The following VWA3B variants were observed in gnomAD, a reference collection of about 807,000 sequenced individuals.
VWA3B encodes the protein von Willebrand factor A domain containing 3B.
VWA3B carries 138 observed loss-of-function variants against 158.3 expected under a neutral mutation model. The ratio of observed to expected loss-of-function variants is 0.87; its 90% confidence interval spans 0.76 to 1.00. VWA3B has a LOEUF of 1.00. Among genes scored for constraint, VWA3B ranks in the 50% least tolerant of loss-of-function variants. VWA3B has a pLI of 0.00. For missense variants in VWA3B, 1,555 were observed against 1,565.1 expected, an observed-to-expected ratio of 0.99 and a Z score of 0.11; for synonymous variants, 596 against 587.3, an observed-to-expected ratio of 1.01 and a Z score of -0.21.
chr2:98,270,842 G>C lies in VWA3B; in HGVS notation c.3004G>C (p.Glu1002Gln). 6.2e-7 allele frequency: 1 copy of C among 1,614,050 alleles called. No homozygotes were observed. The highest frequency in any genetic ancestry group is 8.5e-7 in the Non-Finnish European group (1 of 1,179,948). The change falls in exon 22 of 28, where the codon GAG becomes CAG. Residue 1002 changes from glutamate to glutamine, a missense_variant. Transcript: ENST00000477737. ...CATCCAGCAGGCCATGGAACTCCAG[G>C]AGGCTGCCAAGAAGAATTATGCAAA... Reference protein sequence around the residue: ...MYIQQAMELQEAAKKNYANKA... With the variant: ...MYIQQAMELQQAAKKNYANKA...
At chr2:98,155,056 TGAAGAA>T (rs1288260920) in intron 7 of VWA3B, among the ~76,000 whole-genome samples, 8 of 152,192 alleles carry the variant, frequency 5.3e-5, no homozygotes, top group Non-Finnish European at 4.4e-5. Flanking sequence ...CACGGTTTAA[TGAAGAA>T]GACAAACTTA....
intron 2 of VWA3B, among the ~76,000 whole-genome samples, chr2:98,105,180 A>G (rs1262987831): frequency 6.6e-6 from 1 of 152,194 alleles, no homozygotes; most frequent in Non-Finnish European, 1.5e-5. Flanking sequence ...TGCTGGTGAC[A>G]GCTTTTTTCA....
At chr2:98,177,279 T>A (rs1185634622) in intron 8 of VWA3B, among the ~76,000 whole-genome samples, 1 of 152,228 alleles carries the variant, frequency 6.6e-6, no homozygotes, top group Middle Eastern at 3.2e-3. Context: ...GGCATAGATG[T>A]GCTCCCTTCT....
At chr2:98,094,573 T>G (rs1268708987) in intron 2 of VWA3B, among the ~76,000 whole-genome samples, 4 of 152,190 alleles carry the variant, frequency 2.6e-5, no homozygotes, top group Non-Finnish European at 4.4e-5. Flanking sequence ...TTCTGTAGGT[T>G]GTCTCTTTAC....
At chr2:98,213,725 T>C (rs1038377527) in intron 13 of VWA3B, among the ~76,000 whole-genome samples, 1 of 152,130 alleles carries the variant, frequency 6.6e-6, no homozygotes, top group Non-Finnish European at 1.5e-5. Context: ...CATGGGTGTC[T>C]AGAAGTCCCT....
At chr2:98,306,719 C>A (rs1690544641) in intron 26 of VWA3B, among the ~76,000 whole-genome samples, 1 of 152,102 alleles carries the variant, frequency 6.6e-6, no homozygotes, top group African/African-American at 2.4e-5. Context: ...AAATGCAAAT[C>A]CTTGTATGTT....
At chr2:98,095,809 T>C (rs1346007016) in intron 2 of VWA3B, among the ~76,000 whole-genome samples, 2 of 152,224 alleles carry the variant, frequency 1.3e-5, no homozygotes, top group Admixed American at 1.3e-4. Flanking sequence ...ACATAATTTG[T>C]TGAGAGTTTT....
At chr2:98,087,575 A>G (rs7607851) in intron 1 of VWA3B, among the ~76,000 whole-genome samples, 5,114 of 151,832 alleles carry the variant, frequency 0.034, 314 homozygotes, top group African/African-American at 0.12. Context: ...CAAGGTACCG[A>G]CCCCTCCTAC....
At chr2:98,292,689 G>A (rs1300865891) in intron 23 of VWA3B, among the ~76,000 whole-genome samples, 1 of 152,146 alleles carries the variant, frequency 6.6e-6, no homozygotes, top group East Asian at 1.9e-4. Context: ...GTGGGGCCAG[G>A]TGCGGTGGCT....
chr2:98,294,533 C>T (rs1241779688), intron 23 of VWA3B, among the ~76,000 whole-genome samples: 1 of 152,238 alleles, frequency 6.6e-6, no homozygotes, highest in Non-Finnish European at 1.5e-5. Flanking sequence ...GAGGAAATGA[C>T]TGACTGTGTT....
intron 2 of VWA3B, among the ~76,000 whole-genome samples, chr2:98,103,036 C>T (rs768172020): frequency 7.9e-5 from 12 of 152,184 alleles, no homozygotes; most frequent in Non-Finnish European, 1.6e-4. Context: ...GTTGGCAAAG[C>T]ATTGATCATA....
chr2:98,123,969 C>T (rs1433688247), intron 5 of VWA3B, among the ~76,000 whole-genome samples: 1 of 152,222 alleles, frequency 6.6e-6, no homozygotes, highest in East Asian at 1.9e-4. Context: ...TCTCTTCTAT[C>T]CACCTGCTGG....
intron 8 of VWA3B, among the ~76,000 whole-genome samples, chr2:98,172,129 G>T (rs968136343): frequency 1.3e-5 from 2 of 152,240 alleles, no homozygotes; most frequent in African/African-American, 4.8e-5. Context: ...TTGTCGCAAG[G>T]ACAGAGGCTT....
intron 7 of VWA3B, among the ~76,000 whole-genome samples, chr2:98,140,801 C>T (rs976277081): frequency 2.0e-5 from 3 of 152,176 alleles, no homozygotes; most frequent in Admixed American, 2.0e-4. Context: ...ATTCATCTTA[C>T]CCATAAGCAA....
chr2:98,261,165 T>C (rs751225728), intron 21 of VWA3B, among the ~76,000 whole-genome samples: 25 of 151,832 alleles, frequency 1.6e-4, no homozygotes, highest in Non-Finnish European at 3.1e-4. Context: ...GATCGCTCTT[T>C]ATTTCCTTTT....
intron 14 of VWA3B, 136 bp downstream of exon 14, chr2:98,218,164 T>C (rs1684194532): frequency 2.1e-6 from 2 of 968,516 alleles, no homozygotes; most frequent in South Asian, 1.8e-5. Flanking sequence ...CGCTTAACAA[T>C]GAGTGTACCA....
chr2:98,089,661 T>C (rs957945443), intron 1 of VWA3B, among the ~76,000 whole-genome samples: 15 of 150,360 alleles, frequency 1.0e-4, no homozygotes, highest in African/African-American at 3.7e-4. Context: ...TTTTTTTTTT[T>C]CCAGACAATA....
chr2:98,202,357 G>A (rs1682620095), intron 12 of VWA3B, among the ~76,000 whole-genome samples: 2 of 152,034 alleles, frequency 1.3e-5, no homozygotes, highest in African/African-American at 4.8e-5. Context: ...AGTGATGTTT[G>A]ATATTGGTAA....
At chr2:98,262,788 TA>T (rs1310892357) in intron 21 of VWA3B, among the ~76,000 whole-genome samples, 2 of 151,890 alleles carry the variant, frequency 1.3e-5, no homozygotes, top group East Asian at 1.9e-4. Flanking sequence ...AAATTCCATA[TA>T]AATTTTAGGA....
Sources: allele counts gnomAD v4.1 joint callset (sites outside exome capture counted in the v4.1 genomes callset), GRCh38; gene constraint gnomAD v4.1.1; transcripts MANE v1.5; gene names NCBI Gene and HGNC (gene_info 2026-07-23, HGNC 2026-07-21).